Variants in GABBR2 observed in about 807,000 individuals in gnomAD.
GABBR2 encodes G-protein coupled receptor 51.
GABBR2 carries 23 observed loss-of-function variants against 105.6 expected under a neutral mutation model. That is an observed-to-expected ratio of 0.22 (90% confidence interval 0.16 to 0.31). The LOEUF (loss-of-function observed/expected upper bound fraction) is 0.31. Among genes scored for constraint, GABBR2 ranks in the 10% least tolerant of loss-of-function variants. The pLI, the probability that GABBR2 is intolerant of heterozygous loss-of-function variation, is 1.00. For missense variants in GABBR2, 734 were observed against 1,245.5 expected (o/e 0.59, Z 6.18); for synonymous variants, 478 against 499.7 (o/e 0.96, Z 0.58).
chr9:98,540,779 A>G (rs1828279559), intron 3 of GABBR2, among the ~76,000 whole-genome samples: 1 of 152,238 alleles, frequency 6.6e-6, no homozygotes, highest in South Asian at 2.1e-4. Context: ...AAAAGCACAC[A>G]TGGGAATAGA....
At chr9:98,608,379 T>G (rs1385289986) in intron 1 of GABBR2, among the ~76,000 whole-genome samples, 1 of 152,234 alleles carries the variant, frequency 6.6e-6, no homozygotes, top group African/African-American at 2.4e-5. Context: ...CTTTTTTTAT[T>G]AAACAGATTA....
chr9:98,376,733 C>A (rs1831880542), intron 11 of GABBR2, among the ~76,000 whole-genome samples: 1 of 152,170 alleles, frequency 6.6e-6, no homozygotes, highest in South Asian at 2.1e-4. Context: ...TGGGTAAGAC[C>A]TGTATAGAAA....
At chr9:98,362,261 T>C (rs1831598565) in intron 13 of GABBR2, among the ~76,000 whole-genome samples, 1 of 152,244 alleles carries the variant, frequency 6.6e-6, no homozygotes, top group South Asian at 2.1e-4. Flanking sequence ...GTGAGGTTCC[T>C]TATTTTAACA....
intron 3 of GABBR2, among the ~76,000 whole-genome samples, chr9:98,505,663 G>A (rs1270290338): frequency 1.3e-5 from 2 of 152,194 alleles, no homozygotes; most frequent in South Asian, 2.1e-4. Flanking sequence ...ATTCTTATAA[G>A]AGAAAGGCAA....
In GABBR2 at chr9:98,671,643, C is replaced by T. The variant is rs572056826; in HGVS notation, c.321+36774G>A. On this transcript the variant is annotated intron_variant, in intron 1 of 18. Transcript: ENST00000259455. ...AACGGTTCCAGTCTCTCTACATCCT[C>T]ACCAGCACTTGTTATTATCTGACTT... 6.6e-5 allele frequency among the ~76,000 whole-genome samples: 10 copies of T among 152,322 alleles called. No homozygotes were observed. In the South Asian group the frequency reaches 1.5e-3, roughly 22 times the overall value.
At chr9:98,637,487 T>A (rs114044015) in intron 1 of GABBR2, among the ~76,000 whole-genome samples, 1 of 152,080 alleles carries the variant, frequency 6.6e-6, no homozygotes, top group Admixed American at 6.6e-5. Flanking sequence ...GGGAATTAGA[T>A]TGAAGATAAA....
intron 2 of GABBR2, among the ~76,000 whole-genome samples, chr9:98,567,947 G>A (rs139236987): frequency 2.6e-5 from 4 of 152,182 alleles, no homozygotes; most frequent in Non-Finnish European, 5.9e-5. Flanking sequence ...TACAGCAGGC[G>A]CTGCACTTGT....
At chr9:98,489,801 G>T (rs1827137811) in intron 4 of GABBR2, among the ~76,000 whole-genome samples, 1 of 152,156 alleles carries the variant, frequency 6.6e-6, no homozygotes, top group Admixed American at 6.5e-5. Context: ...TGATTCAAAA[G>T]CCCCTGTTAT....
At chr9:98,605,513 C>T (rs906189549) in intron 1 of GABBR2, among the ~76,000 whole-genome samples, 19 of 152,212 alleles carry the variant, frequency 1.2e-4, no homozygotes, top group African/African-American at 3.9e-4. Flanking sequence ...AGCTTGAGGT[C>T]GGCAATCACC....
intron 7 of GABBR2, among the ~76,000 whole-genome samples, chr9:98,430,357 C>G (rs1825785158): frequency 6.7e-6 from 1 of 150,184 alleles, no homozygotes; most frequent in African/African-American, 2.4e-5. Flanking sequence ...AATTAAGTTA[C>G]TTGGAAGGAG....
At chr9:98,607,720 G>T in intron 1 of GABBR2, 2 of 767,752 alleles carry the variant, frequency 2.6e-6, no homozygotes, top group Non-Finnish European at 4.8e-6. Flanking sequence ...CTTGAAAGAG[G>T]TTACTAATAA....
chr9:98,389,361 C>T lies in GABBR2; in HGVS notation c.1379-357G>A, dbSNP rs562865258. Among the ~76,000 whole-genome samples, 6 of 152,304 alleles carry T rather than the reference C, an allele frequency of 3.9e-5. No homozygotes were observed. The South Asian group carries it at 6.2e-4, about 16-fold the overall frequency. The stretch of plus-strand genomic sequence containing the variant: ...GGGCTGGGTGATGTGAGTGGGTACC[C>T]GTGGGTGCCTTCGGGGATGAAGAAC... On this transcript the variant is annotated intron_variant, in intron 9 of 18. Coordinates refer to ENST00000259455, the MANE Select transcript of GABBR2 (RefSeq NM_005458.8).
intron 12 of GABBR2, among the ~76,000 whole-genome samples, chr9:98,367,346 C>A (rs1186308844): frequency 1.4e-5 from 2 of 147,818 alleles, no homozygotes; most frequent in African/African-American, 5.0e-5. Flanking sequence ...GTCCAAACTT[C>A]TTTAAAAGAA....
intron 2 of GABBR2, among the ~76,000 whole-genome samples, chr9:98,563,327 C>T (rs1348168119): frequency 1.3e-5 from 2 of 152,144 alleles, no homozygotes; most frequent in Non-Finnish European, 2.9e-5. Flanking sequence ...GACGCTGCCT[C>T]GACTTCACAG....
At chr9:98,372,250 C>T (rs17768880) in intron 11 of GABBR2, among the ~76,000 whole-genome samples, 10,080 of 152,282 alleles carry the variant, frequency 0.066, 452 homozygotes, top group Non-Finnish European at 0.095. Context: ...GCCTCCAGGA[C>T]GCCCACCTTC....
chr9:98,520,713 A>G (rs1162270519), intron 3 of GABBR2, among the ~76,000 whole-genome samples: 1 of 152,198 alleles, frequency 6.6e-6, no homozygotes, highest in Non-Finnish European at 1.5e-5. Flanking sequence ...GTTTCCACTT[A>G]AAGGGCATAA....
chr9:98,647,958 G>GTT (rs11294565), intron 1 of GABBR2, among the ~76,000 whole-genome samples: 4 of 144,288 alleles, frequency 2.8e-5, no homozygotes. Flanking sequence ...TAAGTGTTTG[G>GTT]TTTTTTTTTT....
intron 2 of GABBR2, among the ~76,000 whole-genome samples, chr9:98,564,532 T>C (rs1828722998): frequency 6.6e-6 from 1 of 152,232 alleles, no homozygotes; most frequent in Non-Finnish European, 1.5e-5. Flanking sequence ...GTGCCTCAGT[T>C]TTCTCATCTG....
In GABBR2 at chr9:98,311,261, T is replaced by C. The variant is rs925287352; in HGVS notation, c.1894-56A>G. The C allele has an allele frequency of 5.4e-5, 59 of 1,095,064 alleles. No homozygotes were observed. The South Asian group carries it at 5.9e-4, about 11-fold the overall frequency. The allele number at this position is 1,095,064 out of a possible 1,614,324, so 67.8% of individuals were successfully genotyped here. ...TGGCACAGGACACTCTTCCAGCAAC[T>C]GGGTCCTTATCTGAGAGCCCTTTTC... is the stretch of plus-strand genomic sequence containing the variant. On this transcript the variant is annotated intron_variant, in intron 13 of 18. Coordinates refer to ENST00000259455, the MANE Select transcript of GABBR2 (RefSeq NM_005458.8).
Sources: allele counts gnomAD v4.1 joint callset (sites outside exome capture counted in the v4.1 genomes callset), GRCh38; gene constraint gnomAD v4.1.1; transcripts MANE v1.5; gene names NCBI Gene and HGNC (gene_info 2026-07-23, HGNC 2026-07-21).